Variants in SHOC2 observed in about 807,000 individuals in gnomAD.
SHOC2 encodes SHOC2 leucine rich repeat scaffold protein.
A neutral mutation model predicts 50.2 loss-of-function variants in SHOC2; 4 were observed. That is an observed-to-expected ratio of 0.08 (90% CI 0.04 to 0.18). The LOEUF is 0.18. Among genes scored for constraint, SHOC2 ranks in the 10% least tolerant of loss-of-function variants. The pLI is 1.00. For synonymous variants in SHOC2, 218 were observed against 244.5 expected (o/e 0.89, Z 1.01); for missense variants, 388 against 669.6 (o/e 0.58, Z 4.64).
At chr10:110,976,485 ATCTTT>A (rs1188672303) in intron 2 of SHOC2, among the ~76,000 whole-genome samples, 1 of 151,268 alleles carries the variant, frequency 6.6e-6, no homozygotes, top group Non-Finnish European at 1.5e-5. Context: ...TAGTTTTTGT[ATCTTT>A]TGTAGAGGCA....
intron 4 of SHOC2, among the ~76,000 whole-genome samples, chr10:111,001,038 A>G (rs1848361310): frequency 6.7e-6 from 1 of 149,194 alleles, no homozygotes; most frequent in Non-Finnish European, 1.5e-5. Context: ...AGGCCTATTT[A>G]GTATAGAACA....
intron 3 of SHOC2, among the ~76,000 whole-genome samples, chr10:110,996,426 C>G (rs1293095342): frequency 6.6e-6 from 1 of 151,682 alleles, no homozygotes; most frequent in African/African-American, 2.4e-5. Context: ...ACTCCAGAGG[C>G]TAAGGTGGGA....
In SHOC2 at chr10:111,007,594, T is replaced by G; in HGVS notation, c.1225T>G (p.Leu409Val). 1.2e-6 allele frequency: 2 copies of G among 1,613,814 alleles called. No homozygotes were observed. Among genetic ancestry groups the G allele is most frequent in the Non-Finnish European group, 1.7e-6 (2 of 1,179,794 alleles). ...GTWTSMVELNLATNQLTKIPE... is the reference protein window; with the variant it reads ...GTWTSMVELNVATNQLTKIPE... ...TTGGACCAGTATGGTAGAATTGAAT[T>G]TAGCCACTAATCAGCTCACAAAGAT... Residue 409 changes from leucine to valine, a missense_variant, in exon 6 of 9, where the codon TTA becomes GTA. By Grantham distance (32) the Leu-to-Val change is conservative. Coordinates refer to ENST00000369452, the MANE Select transcript of SHOC2 (RefSeq NM_007373.4).
intron 8 of SHOC2, among the ~76,000 whole-genome samples, chr10:111,010,811 A>C (rs1370197393): frequency 6.6e-6 from 1 of 152,250 alleles, no homozygotes; most frequent in African/African-American, 2.4e-5. Context: ...TAAAGATGAT[A>C]ATAGGAAGTT....
chr10:110,930,643 T>C (rs1034472255), intron 1 of SHOC2, among the ~76,000 whole-genome samples: 4 of 152,004 alleles, frequency 2.6e-5, no homozygotes, highest in Non-Finnish European at 4.4e-5. Flanking sequence ...AAATGAAAAG[T>C]AAAGTATATC....
chr10:110,995,562 G>A (rs1007074327), intron 3 of SHOC2, among the ~76,000 whole-genome samples: 1 of 152,206 alleles, frequency 6.6e-6, no homozygotes, highest in Admixed American at 6.5e-5. Context: ...TTTGTTGATA[G>A]GGAGCCAACC....
chr10:111,004,592 C>A lies in SHOC2; in HGVS notation c.973-14C>A. The A allele has an allele frequency of 6.3e-7, 1 of 1,578,648 alleles. No homozygotes were observed. The highest frequency in any genetic ancestry group is 8.7e-7 in the Non-Finnish European group (1 of 1,147,968). ...ACAGTTCTAATTCTTATGTTTATTT[C>A]ATTTTTTTTACAGAGTCTTTTATCA... is the stretch of plus-strand genomic sequence containing the variant. On this transcript the variant is annotated splice_polypyrimidine_tract_variant and intron_variant, in intron 4 of 8. Transcript: ENST00000369452.
intron 1 of SHOC2, among the ~76,000 whole-genome samples, chr10:110,923,344 T>C (rs1846692086): frequency 6.6e-6 from 1 of 152,076 alleles, no homozygotes. Context: ...GAGAAACTTT[T>C]ATGTTCTAAA....
intron 1 of SHOC2, among the ~76,000 whole-genome samples, chr10:110,941,707 A>C (rs867735016): frequency 6.6e-6 from 1 of 152,172 alleles, no homozygotes; most frequent in African/African-American, 2.4e-5. Flanking sequence ...CTACCAGTCT[A>C]TATAACCTGT....
At chr10:111,000,989 T>G (rs1256539101) in intron 4 of SHOC2, among the ~76,000 whole-genome samples, 1 of 151,742 alleles carries the variant, frequency 6.6e-6, no homozygotes, top group Non-Finnish European at 1.5e-5. Context: ...GCAATTCTCC[T>G]GTGACTCAAA....
At chr10:110,944,107 T>A (rs1847203531) in intron 1 of SHOC2, among the ~76,000 whole-genome samples, 1 of 152,216 alleles carries the variant, frequency 6.6e-6, no homozygotes, top group African/African-American at 2.4e-5. Context: ...GACAAAAACA[T>A]ACCTTGGAAA....
Position 110,989,391 on chromosome 10 carries a change from T to C in SHOC2, c.841+3626T>C, listed in dbSNP as rs191233006. ...TGCCATAGTTGCCTCAGTCATTTCT[T>C]GGTTGGCTGAAGTCAATCTGGTTGG... is the stretch of plus-strand genomic sequence containing the variant. On this transcript the variant is annotated intron_variant, in intron 3 of 8. Coordinates refer to ENST00000369452, the MANE Select transcript of SHOC2 (RefSeq NM_007373.4). 2.2e-4 allele frequency among the ~76,000 whole-genome samples: 34 copies of C among 152,376 alleles called. No individual in the cohort carries two copies. In the East Asian group the frequency reaches 6.2e-3, roughly 28 times the overall value.
intron 2 of SHOC2, among the ~76,000 whole-genome samples, chr10:110,972,827 T>G (rs1397450293): frequency 6.6e-6 from 1 of 152,100 alleles, no homozygotes; most frequent in African/African-American, 2.4e-5. Context: ...GCAGAGACCC[T>G]GTCTCAGGAG....
intron 1 of SHOC2, among the ~76,000 whole-genome samples, chr10:110,935,890 C>A (rs998271244): frequency 1.3e-5 from 2 of 152,066 alleles, no homozygotes; most frequent in African/African-American, 4.8e-5. Context: ...ATAGCCATAG[C>A]CATAGTTTTA....
At chr10:111,007,422 A>G (rs1848490439) in intron 5 of SHOC2, 109 bp from the exon 6 acceptor site, 8 of 1,239,476 alleles carry the variant, frequency 6.5e-6, no homozygotes, top group Middle Eastern at 1.9e-4. Context: ...AATATCAAAA[A>G]GGGGAATAAG....
At chr10:111,001,810 G>T (rs1848382066) in intron 4 of SHOC2, among the ~76,000 whole-genome samples, 1 of 131,340 alleles carries the variant, frequency 7.6e-6, no homozygotes, top group African/African-American at 3.3e-5. Flanking sequence ...GAGGCAGGCG[G>T]GCGGATCACT....
At chr10:111,007,498 T>C in intron 5 of SHOC2, 33 bp from the exon 6 acceptor site, 1 of 1,612,570 alleles carries the variant, frequency 6.2e-7, no homozygotes, top group Non-Finnish European at 8.5e-7. Context: ...TTTTTGTGAT[T>C]CTACCTTGGA....
At chr10:110,953,999 T>A (rs1847409422) in intron 1 of SHOC2, among the ~76,000 whole-genome samples, 1 of 151,268 alleles carries the variant, frequency 6.6e-6, no homozygotes, top group Non-Finnish European at 1.5e-5. Context: ...GATTTAGTTT[T>A]TGTTGACCAA....
chr10:110,972,295 C>T (rs758457730), intron 2 of SHOC2, among the ~76,000 whole-genome samples: 4 of 151,998 alleles, frequency 2.6e-5, no homozygotes, highest in African/African-American at 4.8e-5. Context: ...TTGAAATTCT[C>T]TCAGGACTGC....
Sources: allele counts gnomAD v4.1 joint callset (sites outside exome capture counted in the v4.1 genomes callset), GRCh38; gene constraint gnomAD v4.1.1; transcripts MANE v1.5; gene names NCBI Gene and HGNC (gene_info 2026-07-23, HGNC 2026-07-21).